The following CHD7 variants were observed in gnomAD, a reference collection of about 807,000 sequenced individuals.
The protein encoded by CHD7 is ATP-dependent chromatin remodeler CHD7.
In CHD7, 24 loss-of-function variants were observed where a neutral mutation model predicts 307.3. The observed-to-expected ratio is 0.08, with a 90% CI of 0.06 to 0.11. The LOEUF is 0.11. CHD7 is among the 10% of genes least tolerant of loss of function. The pLI is 1.00. For missense variants in CHD7, 3,106 were observed against 3,727.1 expected, an observed-to-expected ratio of 0.83 and a Z score of 4.34; for synonymous variants, 1,363 against 1,349.9, an observed-to-expected ratio of 1.01 and a Z score of -0.21.
rs1378061590 is a variant in CHD7 at position 60,830,665 on chromosome 8, G to A, written c.3778+88G>A. 12 of 1,442,026 alleles carry A rather than the reference G, an allele frequency of 8.3e-6. No individual in the cohort carries two copies. The South Asian group carries it at 1.0e-4, about 12-fold the overall frequency. 89.3% of individuals were successfully genotyped at this position (1,442,026 alleles called of 1,614,324 possible). ...GCCCCCAGACTGGGGATTTCATGGT[G>A]TATAGTCATTCCTGTCTCCTGTCCA... On this transcript the variant is annotated intron_variant, in intron 15 of 37. Coordinates refer to ENST00000423902, the MANE Select transcript of CHD7 (RefSeq NM_017780.4).
intron 1 of CHD7, among the ~76,000 whole-genome samples, chr8:60,685,929 T>A (rs543758188): frequency 6.6e-6 from 1 of 152,336 alleles, no homozygotes; most frequent in East Asian, 1.9e-4. Context: ...ATATGGGTGA[T>A]TGCCAGCCAA....
intron 1 of CHD7, among the ~76,000 whole-genome samples, chr8:60,736,884 C>T (rs1043345543): frequency 1.2e-4 from 19 of 152,132 alleles, no homozygotes; most frequent in Non-Finnish European, 2.5e-4. Context: ...TTCTGCGTCA[C>T]TACAAAATTA....
chr8:60,810,872 G>A lies in CHD7; in HGVS notation c.2498+2600G>A, dbSNP rs544897974. Among the ~76,000 whole-genome samples, 20 of 152,310 alleles carry A rather than the reference G, an allele frequency of 1.3e-4. No individual in the cohort carries two copies. The East Asian group carries it at 1.5e-3, about 12-fold the overall frequency. On this transcript the variant is annotated intron_variant, in intron 7 of 37. Transcript: ENST00000423902. ...TCAGTGTCCTGTTAGGAACCTGGCCGCACAGCAGGAGGTGAGCGGCAGGCG... is the reference window on the plus strand; with the variant it reads ...TCAGTGTCCTGTTAGGAACCTGGCCACACAGCAGGAGGTGAGCGGCAGGCG...
At chr8:60,841,041 A>G (rs888632634) in intron 19 of CHD7, among the ~76,000 whole-genome samples, 2 of 152,086 alleles carry the variant, frequency 1.3e-5, no homozygotes, top group African/African-American at 4.8e-5. Flanking sequence ...GACCTTTCCA[A>G]CTTGTGACTC....
intron 3 of CHD7, among the ~76,000 whole-genome samples, chr8:60,785,430 A>C (rs1811446671): frequency 6.6e-6 from 1 of 152,182 alleles, no homozygotes; most frequent in African/African-American, 2.4e-5. Flanking sequence ...CTCTTATTTT[A>C]AAAAAACATA....
rs184944956 is a variant in CHD7, at chr8:60,843,299, C to T, written c.4850+1247C>T. 2.2e-3 allele frequency among the ~76,000 whole-genome samples: 333 copies of T among 152,314 alleles called. 2 individuals carry two copies. The highest frequency in any genetic ancestry group is 7.8e-3 in the African/African-American group (323 of 41,562). On this transcript the variant is annotated intron_variant, in intron 21 of 37. Coordinates refer to ENST00000423902, the MANE Select transcript of CHD7 (RefSeq NM_017780.4). The stretch of plus-strand genomic sequence containing the variant: ...GGGCAGAGACTCACCCCCTGCGTCC[C>T]AAAAGCCCTGCCCCGCAAAAGCCCT...
At chr8:60,787,383 C>T (rs904272236) in intron 3 of CHD7, among the ~76,000 whole-genome samples, 24 of 152,064 alleles carry the variant, frequency 1.6e-4, no homozygotes, top group Non-Finnish European at 2.4e-4. Flanking sequence ...TGAATAAGAG[C>T]GGCATCTTAA....
chr8:60,859,836 G>C (rs763409649), intron 34 of CHD7, among the ~76,000 whole-genome samples: 2 of 152,182 alleles, frequency 1.3e-5, no homozygotes, highest in African/African-American at 2.4e-5. Flanking sequence ...TTTTGTCCTG[G>C]AGGTAATAGG....
At chr8:60,708,592 C>G (rs985482125) in intron 1 of CHD7, among the ~76,000 whole-genome samples, 2 of 152,180 alleles carry the variant, frequency 1.3e-5, no homozygotes, top group African/African-American at 4.8e-5. Flanking sequence ...GTAGGATCTG[C>G]TCTTCTTTAA....
chr8:60,824,825 T>A (rs1804194663), intron 13 of CHD7: 1 of 152,154 alleles, frequency 6.6e-6, no homozygotes, highest in African/African-American at 2.4e-5. Flanking sequence ...AGGAGCATCA[T>A]GGAATAACAT....
At chr8:60,750,154 A>C (rs898607517) in intron 2 of CHD7, among the ~76,000 whole-genome samples, 8 of 152,340 alleles carry the variant, frequency 5.3e-5, no homozygotes, top group Admixed American at 3.9e-4. Context: ...GTAGGTGATA[A>C]GAATTTAGTT....
chr8:60,813,585 A>T (rs2150733835), intron 7 of CHD7, among the ~76,000 whole-genome samples: 1 of 152,274 alleles, frequency 6.6e-6, no homozygotes, highest in South Asian at 2.1e-4. Context: ...TATCTTCCTA[A>T]GCTTTAAAAA....
At chr8:60,777,589 C>G (rs1234237099) in intron 2 of CHD7, among the ~76,000 whole-genome samples, 1 of 152,148 alleles carries the variant, frequency 6.6e-6, no homozygotes, top group African/African-American at 2.4e-5. Flanking sequence ...CTCACTTCCC[C>G]CATCGGGTCT....
chr8:60,757,035 A>G (rs147837398), intron 2 of CHD7, among the ~76,000 whole-genome samples: 2,652 of 152,316 alleles, frequency 0.017, 81 homozygotes, highest in Admixed American at 0.069. Flanking sequence ...TGAATATTCT[A>G]TATTGAGTCT....
intron 1 of CHD7, among the ~76,000 whole-genome samples, chr8:60,708,488 T>A (rs1021141651): frequency 6.6e-6 from 1 of 152,226 alleles, no homozygotes; most frequent in Non-Finnish European, 1.5e-5. Context: ...CTCACACTTC[T>A]GGACAACCAG....
chr8:60,699,323 G>A (rs1806641761), intron 1 of CHD7, among the ~76,000 whole-genome samples: 1 of 151,966 alleles, frequency 6.6e-6, no homozygotes, highest in Admixed American at 6.6e-5. Flanking sequence ...AGATGACAAG[G>A]GCATATCTAT....
Position 60,728,964 on chromosome 8 carries a change from C to T in CHD7, c.-174-12295C>T, listed in dbSNP as rs868135389. 5.8e-4 allele frequency among the ~76,000 whole-genome samples: 88 copies of T among 152,224 alleles called. 1 individual carries two copies. The Middle Eastern group carries it at 0.024, about 41-fold the overall frequency. On this transcript the variant is annotated intron_variant, in intron 1 of 37. Coordinates refer to ENST00000423902, the MANE Select transcript of CHD7 (RefSeq NM_017780.4). The stretch of plus-strand genomic sequence containing the variant: ...AGTTATCTTTTCTGTTCCTCTCCCT[C>T]CTCCCACCCTCCACCCTCAAGTAGA...
chr8:60,718,274 G>A (rs1227122107), intron 1 of CHD7, among the ~76,000 whole-genome samples: 1 of 152,030 alleles, frequency 6.6e-6, no homozygotes, highest in Non-Finnish European at 1.5e-5. Context: ...GTCAGGAGTT[G>A]GAGACCAGCC....
chr8:60,848,430 A>G (rs1805305463), intron 23 of CHD7, 85 bp from the exon 24 acceptor site: 10 of 874,386 alleles, frequency 1.1e-5, no homozygotes, highest in Non-Finnish European at 1.5e-5. Context: ...AGGATGATGG[A>G]TGAACAGCAG....
Sources: gnomAD v4.1 joint callset for allele counts (sites outside exome capture counted in the v4.1 genomes callset) on GRCh38, gnomAD v4.1.1 for gene constraint, MANE v1.5 for transcripts, NCBI Gene and HGNC (gene_info 2026-07-23, HGNC 2026-07-21) for gene names.